Variants in SUSD1 observed in about 807,000 individuals in gnomAD.
The protein encoded by SUSD1 is sushi domain-containing protein 1.
In SUSD1, 65 loss-of-function variants were observed where a neutral mutation model predicts 86.9. That is an observed-to-expected ratio of 0.75 (90% CI 0.61 to 0.92). The LOEUF is 0.92. Among genes scored for constraint, SUSD1 ranks in the 40% least tolerant of loss-of-function variants. The pLI is 0.00. For synonymous variants in SUSD1, 346 were observed against 350.0 expected, an observed-to-expected ratio of 0.99 and a Z score of 0.13; for missense variants, 850 against 929.7, an observed-to-expected ratio of 0.91 and a Z score of 1.11.
chr9:112,120,406 C>A (rs1356659895), intron 6 of SUSD1, among the ~76,000 whole-genome samples: 2 of 152,118 alleles, frequency 1.3e-5, no homozygotes, highest in Non-Finnish European at 2.9e-5. Context: ...GGTAGCTGAG[C>A]AAGAGCCATG....
At chr9:112,042,230 G>C in intron 15 of SUSD1, 1 of 1,376,776 alleles carries the variant, frequency 7.3e-7, no homozygotes, top group East Asian at 2.5e-5. Flanking sequence ...TAATCTTGTT[G>C]AGCACACAAA....
chr9:112,051,472 C>T (rs1314877818), intron 15 of SUSD1, among the ~76,000 whole-genome samples: 4 of 135,248 alleles, frequency 3.0e-5, no homozygotes, highest in African/African-American at 8.3e-5. Flanking sequence ...GCCTTTGTTG[C>T]CCAGGCTGGA....
chr9:112,175,275 CG>C lies in SUSD1; in HGVS notation c.-41del. The C allele has an allele frequency of 1.8e-6, 2 of 1,135,028 alleles. No individual in the cohort carries two copies. The highest frequency in any genetic ancestry group is 4.3e-5 in the East Asian group (1 of 23,086). The allele number at this position is 1,135,028 out of a possible 1,614,324, so 70.3% of individuals were successfully genotyped here. ...CTCCCGGCGCGCCCGCGCCTCCTCCCGGGGCCCTCAGGGTGCAGAGATAAGG... is the reference window on the plus strand; with the variant it reads ...CTCCCGGCGCGCCCGCGCCTCCTCCCGGGCCCTCAGGGTGCAGAGATAAGG... On this transcript the variant is annotated 5_prime_UTR_variant, in exon 1 of 17. Coordinates refer to ENST00000374270, the MANE Select transcript of SUSD1 (RefSeq NM_022486.5). This position sits in a 1 kb window ranked among gnomAD's most constrained non-coding sequence, Gnocchi z 4.7.
At chr9:112,049,284 C>T (rs10981230) in intron 15 of SUSD1, among the ~76,000 whole-genome samples, 65,283 of 152,074 alleles carry the variant, frequency 0.43, 16,523 homozygotes, top group African/African-American at 0.71. Context: ...GAATGTTCCC[C>T]GATTACAGCT....
intron 8 of SUSD1, among the ~76,000 whole-genome samples, chr9:112,109,239 G>A (rs990923135): frequency 6.6e-6 from 1 of 152,142 alleles, no homozygotes; most frequent in Non-Finnish European, 1.5e-5. Flanking sequence ...TTTTGAGAAA[G>A]TTTTCAACTT....
chr9:112,080,126 G>T lies in SUSD1; in HGVS notation c.1514C>A (p.Thr505Asn), dbSNP rs1448647319. ...TISNISGFNE[T>N]CLRWRSIKTA... is the part of the protein sequence containing the mutation. Reference sequence around the variant, plus strand: ...CTTGATGCTTCTCCATCTCAAGCAGGTTTCATTAAATCCTGAAATGTTACT... The same window carrying T: ...CTTGATGCTTCTCCATCTCAAGCAGTTTTCATTAAATCCTGAAATGTTACT... The change falls in exon 11 of 17, where the codon ACC (threonine) becomes AAC (asparagine). Residue 505 changes from threonine to asparagine, a missense_variant. Thr to Asn is a moderately conservative substitution (Grantham distance 65). Coordinates refer to ENST00000374270, the MANE Select transcript of SUSD1 (RefSeq NM_022486.5). 1.2e-6 allele frequency: 2 copies of T among 1,613,380 alleles called. No individual in the cohort carries two copies. Among genetic ancestry groups the T allele is most frequent in the African/African-American group, 1.3e-5 (1 of 74,854 alleles).
rs1827705380 is a variant in SUSD1 at position 112,040,834 on chromosome 9, G to C, written c.*658C>G. The C allele has an allele frequency of 6.6e-6, 1 of 152,372 alleles. No individual in the cohort carries two copies. Among genetic ancestry groups the C allele is most frequent in the Admixed American group, 6.5e-5 (1 of 15,296 alleles). The allele number at this position is 152,372 out of a possible 1,614,324, so 9.4% of individuals were successfully genotyped here. ...TGTAGACATTACTTTTGAATATATA[G>C]GACAATAGAAATTGCATCAAAGCAA... On this transcript the variant is annotated 3_prime_UTR_variant, in exon 17 of 17. Coordinates refer to ENST00000374270, the MANE Select transcript of SUSD1 (RefSeq NM_022486.5).
intron 10 of SUSD1, among the ~76,000 whole-genome samples, chr9:112,089,811 C>CAAAAA (rs3983407): frequency 2.1e-3 from 242 of 114,614 alleles, no homozygotes; most frequent in Middle Eastern, 4.5e-3. Context: ...GATTCCATCT[C>CAAAAA]AAAAAAAAAA....
chr9:112,150,526 T>C (rs1207121271), intron 2 of SUSD1, among the ~76,000 whole-genome samples: 1 of 152,228 alleles, frequency 6.6e-6, no homozygotes, highest in Non-Finnish European at 1.5e-5. Flanking sequence ...ATTTTTATTT[T>C]ACAGTCATAT....
intron 14 of SUSD1, 92 bp from the exon 15 acceptor site, chr9:112,052,530 C>T (rs540392963): frequency 1.4e-6 from 2 of 1,397,744 alleles, no homozygotes; most frequent in Non-Finnish European, 1.0e-6. Context: ...TGAGTTTCAG[C>T]TTTTTCAATC....
intron 6 of SUSD1, among the ~76,000 whole-genome samples, chr9:112,114,120 T>C (rs1412401671): frequency 6.6e-6 from 1 of 152,176 alleles, no homozygotes; most frequent in Non-Finnish European, 1.5e-5. Context: ...AAATCTATTG[T>C]ATTTCTATAT....
Position 112,042,007 on chromosome 9 carries a change from A to G in SUSD1, c.2150-47T>C, listed in dbSNP as rs1460394846. On this transcript the variant is annotated intron_variant, in intron 15 of 16. Coordinates refer to ENST00000374270, the MANE Select transcript of SUSD1 (RefSeq NM_022486.5). The stretch of plus-strand genomic sequence containing the variant: ...TTAGCCCAGAGTGCACGGCATCACC[A>G]CCTCCCAGGAGGCACACACCCCACT... 3.1e-6 allele frequency: 5 copies of G among 1,600,124 alleles called. No individual in the cohort carries two copies. In the African/African-American group the frequency reaches 4.0e-5, roughly 13 times the overall value.
chr9:112,079,965 C>T (rs1471214194), intron 11 of SUSD1, 109 bp downstream of exon 11: 7 of 720,740 alleles, frequency 9.7e-6, no homozygotes, highest in South Asian at 1.6e-5. Context: ...CACAGTAAAT[C>T]GTCTACTGAT....
At chr9:112,070,045 G>C (rs113242800) in intron 12 of SUSD1, among the ~76,000 whole-genome samples, 63 of 152,014 alleles carry the variant, frequency 4.1e-4, no homozygotes, top group South Asian at 1.5e-3. Flanking sequence ...CGCTCTTGTC[G>C]CCCAGGCTGG....
At chr9:112,157,810 GTCTT>G (rs1354328290) in intron 1 of SUSD1, among the ~76,000 whole-genome samples, 197 bp from the exon 2 acceptor site, 3 of 146,396 alleles carry the variant, frequency 2.0e-5, no homozygotes, top group Admixed American at 7.0e-5. Flanking sequence ...GTGTGGCAAT[GTCTT>G]TCTTTCTTTC....
At chr9:112,063,131 A>C in intron 12 of SUSD1, 98 bp from the exon 13 acceptor site, 2 of 720,590 alleles carry the variant, frequency 2.8e-6, no homozygotes, top group Admixed American at 4.7e-5. Context: ...AGAAAGTTTT[A>C]ATTTCAGAAG....
At chr9:112,145,832 TG>T (rs1832787065) in intron 3 of SUSD1, 1 of 152,120 alleles carries the variant, frequency 6.6e-6, no homozygotes, top group South Asian at 2.1e-4. Flanking sequence ...TGGCTCATGG[TG>T]GTTTCCATGA....
chr9:112,120,210 G>A (rs936319589), intron 6 of SUSD1, among the ~76,000 whole-genome samples: 1 of 152,232 alleles, frequency 6.6e-6, no homozygotes, highest in Middle Eastern at 3.4e-3. Flanking sequence ...GGGAGGCTGA[G>A]GCAGAAGGAT....
chr9:112,086,565 AGAGAG>A (rs1564282415), intron 10 of SUSD1, among the ~76,000 whole-genome samples: 69 of 133,088 alleles, frequency 5.2e-4, no homozygotes, highest in East Asian at 4.6e-3. Context: ...AAAGAAAGAG[AGAGAG>A]AGAGAGAGAG....
Sources: allele counts gnomAD v4.1 joint callset (sites outside exome capture counted in the v4.1 genomes callset), GRCh38; gene constraint gnomAD v4.1.1; non-coding constraint Gnocchi (gnomAD v3.1); transcripts MANE v1.5; gene names NCBI Gene and HGNC (gene_info 2026-07-23, HGNC 2026-07-21).